DNMT3A: variants seen among roughly 807,000 people sequenced by gnomAD.
The protein encoded by DNMT3A is DNA methyltransferase 3 alpha.
Under a neutral mutation model 117.6 loss-of-function variants are expected in DNMT3A, and 267 were observed. The ratio of observed to expected loss-of-function variants is 2.27; its 90% CI spans 2.05 to 2.51. DNMT3A has a LOEUF of 2.51. Ranked by LOEUF, DNMT3A falls within the 30% of genes most tolerant of loss-of-function variation. DNMT3A has a pLI of 0.00. For missense variants in DNMT3A, 1,029 were observed against 1,260.2 expected (o/e 0.82, Z 2.78); for synonymous variants, 432 against 474.8 (o/e 0.91, Z 1.17).
intron 3 of DNMT3A, among the ~76,000 whole-genome samples, chr2:25,295,417 T>C (rs2033032378): frequency 3.9e-5 from 6 of 152,230 alleles, no homozygotes; most frequent in Admixed American, 3.3e-4. Context: ...TGCAGACAAC[T>C]AGGCCGTTGC....
Position 25,311,272 on chromosome 2 carries a change from C to T in DNMT3A, c.72+2641G>A, listed in dbSNP as rs114308488. Among the ~76,000 whole-genome samples, 299 of 152,342 alleles carry T rather than the reference C, an allele frequency of 2.0e-3. No individual in the cohort carries two copies. Among genetic ancestry groups the T allele is most frequent in the African/African-American group, 7.0e-3 (291 of 41,578 alleles). The stretch of plus-strand genomic sequence containing the variant: ...TGCACAGTGCCCCTGGCACCTGTGC[C>T]AGGCTCCCTGGGCTGCAGACCAAGC... On this transcript the variant is annotated intron_variant, in intron 2 of 22. Transcript: ENST00000321117. This position sits in a 1 kb window ranked among gnomAD's most constrained non-coding sequence, Gnocchi z 5.2.
At chr2:25,241,339 C>T (rs1674003568) in intron 17 of DNMT3A, among the ~76,000 whole-genome samples, 1 of 152,270 alleles carries the variant, frequency 6.6e-6, no homozygotes, top group East Asian at 1.9e-4. Context: ...AAAGTGCTGG[C>T]ATTATAGGCA....
chr2:25,247,527 A>C lies in DNMT3A; in HGVS notation c.1014+64T>G. ...CAATTCCAGACTGCCCCCAGCCAAA[A>C]CCACAGGCCCTGGGATCAAGAACCT... On this transcript the variant is annotated intron_variant, in intron 8 of 22. Transcript: ENST00000321117. The surrounding 1 kb of genome is among the most constrained non-coding windows in gnomAD (Gnocchi z 5.6). 6.3e-7 allele frequency: 1 copy of C among 1,581,558 alleles called. No homozygotes were observed. The highest frequency in any genetic ancestry group is 1.8e-5 in the Admixed American group (1 of 56,540).
At position 25,313,991 on chromosome 2, in the gene DNMT3A, G is replaced by A. The variant is rs756359070; in HGVS notation, c.-7C>T. 24 of 1,540,472 alleles carry A rather than the reference G, an allele frequency of 1.6e-5. No homozygotes were observed. The highest frequency in any genetic ancestry group is 2.7e-5 in the African/African-American group (2 of 73,054). ...TGGAGGGCATGGCGGGCATCTGGGC[G>A]CCGGGAGGCAGGCTGGGGCTGCGCG... On this transcript the variant is annotated 5_prime_UTR_variant, in exon 2 of 23. Coordinates refer to ENST00000321117, the MANE Select transcript of DNMT3A (RefSeq NM_022552.5).
intron 3 of DNMT3A, among the ~76,000 whole-genome samples, chr2:25,291,403 C>T (rs1163065455): frequency 6.6e-6 from 1 of 152,212 alleles, no homozygotes; most frequent in Non-Finnish European, 1.5e-5. Context: ...TAGGGAGAGC[C>T]AGAGATGCCT....
At chr2:25,290,292 A>G (rs1469338975) in intron 3 of DNMT3A, among the ~76,000 whole-genome samples, 1 of 149,972 alleles carries the variant, frequency 6.7e-6, no homozygotes, top group Non-Finnish European at 1.5e-5. Flanking sequence ...GGCATGTGCC[A>G]CCACATCCAG....
In DNMT3A at chr2:25,248,744, C is replaced by T. The variant is rs559169906; in HGVS notation, c.640-492G>A. On this transcript the variant is annotated intron_variant, in intron 6 of 22. Transcript: ENST00000321117. ...TGTATTTTTAGTAGAGATGGGGTTT[C>T]GCCATATTGACCAGGCTGGTCTCTA... is the stretch of plus-strand genomic sequence containing the variant. 5.5e-4 allele frequency among the ~76,000 whole-genome samples: 83 copies of T among 152,136 alleles called. 1 individual carries two copies. Among genetic ancestry groups the T allele is most frequent in the Middle Eastern group, 6.8e-3 (2 of 294 alleles).
chr2:25,285,112 T>A (rs1194725128), intron 3 of DNMT3A, among the ~76,000 whole-genome samples: 2 of 152,158 alleles, frequency 1.3e-5, no homozygotes, highest in East Asian at 3.9e-4. Flanking sequence ...GTTCCAGAAG[T>A]GGTCAGGCCG....
chr2:25,329,708 C>G (rs1376900775), intron 1 of DNMT3A, among the ~76,000 whole-genome samples: 1 of 149,168 alleles, frequency 6.7e-6, no homozygotes, highest in Non-Finnish European at 1.5e-5. Flanking sequence ...CACACACACA[C>G]ACACAGACAC....
At position 25,248,189 on chromosome 2, in the gene DNMT3A, C is replaced by G. The variant is rs1299779070; in HGVS notation, c.703G>C (p.Glu235Gln). 6.2e-7 allele frequency: 1 copy of G among 1,613,460 alleles called. No individual in the cohort carries two copies. The highest frequency in any genetic ancestry group is 2.2e-5 in the East Asian group (1 of 44,878). Residue 235 changes from glutamate (E) to glutamine (Q), a missense_variant, in exon 7 of 23, where the codon GAG (glutamate) becomes CAG (glutamine). Coordinates refer to ENST00000321117, the MANE Select transcript of DNMT3A (RefSeq NM_022552.5). ...NAVEENQGPG[E>Q]SQKVEEASPP... ...CTGGCCTCCTCCACCTTCTGAGACT[C>G]CCCGGGCCCCTGGTTTTCTTCCACA...
chr2:25,274,815 A>AT, intron 6 of DNMT3A, 126 bp downstream of exon 6: 38 of 1,384,758 alleles, frequency 2.7e-5, no homozygotes, highest in South Asian at 1.7e-4. Context: ...ACCAGTCATC[A>AT]TGACTAGAGA....
At chr2:25,310,473 G>A (rs1376107838) in intron 2 of DNMT3A, among the ~76,000 whole-genome samples, 1 of 152,024 alleles carries the variant, frequency 6.6e-6, no homozygotes, top group Non-Finnish European at 1.5e-5. Flanking sequence ...TATGGATGGC[G>A]GGTAGGGCAG....
In DNMT3A at chr2:25,232,479, TACACACCACTCCAATCACAC is replaced by T. The variant is rs1672919906; in HGVS notation, c.*1780_*1799del. On this transcript the variant is annotated 3_prime_UTR_variant, in exon 23 of 23. Transcript: ENST00000321117. This position sits in a 1 kb window ranked among gnomAD's most constrained non-coding sequence, Gnocchi z 4.1. ...ATCAGACCAAGTACTAGAAAAGAAA[TACACACCACTCCAATCACAC>T]ACACAAGGAGAGAGACGGCCGGTCC... 1 of 152,010 alleles carries T rather than the reference TACACACCACTCCAATCACAC, an allele frequency of 6.6e-6. No homozygotes were observed. Among genetic ancestry groups the T allele is most frequent in the African/African-American group, 2.4e-5 (1 of 41,358 alleles). The allele number at this position is 152,010 out of a possible 1,614,324, so 9.4% of individuals were successfully genotyped here.
chr2:25,241,673 C>T lies in DNMT3A; in HGVS notation c.1971G>A (p.Val657=). The T allele has an allele frequency of 6.2e-7, 1 of 1,614,094 alleles. No homozygotes were observed. The highest frequency in any genetic ancestry group is 8.5e-7 in the Non-Finnish European group (1 of 1,179,994). ...LLVLKDLGIQ[V]DRYIASEVCE... ...ACACCTCCGAGGCAATGTAGCGGTCCACCTGAATGCCCAAGTCCTTCAGCA... is the reference window on the plus strand; with the variant it reads ...ACACCTCCGAGGCAATGTAGCGGTCTACCTGAATGCCCAAGTCCTTCAGCA... Residue 657 remains valine, a synonymous_variant, in exon 17 of 23, where the codon GTG becomes GTA. Coordinates refer to ENST00000321117, the MANE Select transcript of DNMT3A (RefSeq NM_022552.5).
chr2:25,322,908 G>C (rs966105884), intron 1 of DNMT3A, among the ~76,000 whole-genome samples: 1 of 152,114 alleles, frequency 6.6e-6, no homozygotes, highest in East Asian at 1.9e-4. Context: ...CAAGTTCTCT[G>C]TCTGAATGGC....
intron 6 of DNMT3A, among the ~76,000 whole-genome samples, chr2:25,259,847 G>A (rs768091752): frequency 6.6e-6 from 1 of 152,198 alleles, no homozygotes; most frequent in Non-Finnish European, 1.5e-5. Flanking sequence ...GAGCCCAGCA[G>A]ACAGGCACTG....
At chr2:25,291,445 G>T (rs1209033493) in intron 3 of DNMT3A, among the ~76,000 whole-genome samples, 1 of 152,260 alleles carries the variant, frequency 6.6e-6, no homozygotes, top group Non-Finnish European at 1.5e-5. Flanking sequence ...GGGCCAGGGG[G>T]TCCCCAGATG....
At chr2:25,307,134 G>A (rs2033822049) in intron 2 of DNMT3A, among the ~76,000 whole-genome samples, 1 of 152,230 alleles carries the variant, frequency 6.6e-6, no homozygotes, top group Admixed American at 6.5e-5. Flanking sequence ...ACCGTGCAGA[G>A]AACACTCCTT....
At chr2:25,314,460 C>T (rs2034284836) in intron 1 of DNMT3A, 1 of 985,284 alleles carries the variant, frequency 1.0e-6, no homozygotes, top group African/African-American at 1.7e-5. Flanking sequence ...CATTCACAGC[C>T]TCTCTCTCCT....
Sources: gnomAD v4.1 joint callset for allele counts (sites outside exome capture counted in the v4.1 genomes callset) on GRCh38, gnomAD v4.1.1 for gene constraint, Gnocchi (gnomAD v3.1) non-coding constraint, MANE v1.5 for transcripts, NCBI Gene and HGNC (gene_info 2026-07-23, HGNC 2026-07-21) for gene names.